THNSL2: variants seen among roughly 807,000 people sequenced by gnomAD.
The protein encoded by THNSL2 is threonine synthase like 2.
A neutral mutation model predicts 40.0 loss-of-function variants in THNSL2; 34 were observed. The observed-to-expected ratio is 0.85, with a 90% CI of 0.65 to 1.13. The LOEUF (loss-of-function observed/expected upper bound fraction) is 1.13, where lower values mean the gene tolerates loss of function less well. THNSL2 is among the 50% of genes most tolerant of loss of function. The pLI, the probability that THNSL2 is intolerant of heterozygous loss-of-function variation, is 0.00. For synonymous variants in THNSL2, 241 were observed against 247.5 expected (o/e 0.97, Z 0.25); for missense variants, 537 against 608.8 (o/e 0.88, Z 1.24).
intron 5 of THNSL2, among the ~76,000 whole-genome samples, chr2:88,180,857 G>T (rs1677467030): frequency 6.6e-6 from 1 of 152,152 alleles, no homozygotes; most frequent in Non-Finnish European, 1.5e-5. Context: ...GCTCTAGGAG[G>T]CTGAGTCGAG....
chr2:88,177,744 T>TA (rs1677090195), intron 4 of THNSL2, among the ~76,000 whole-genome samples: 2 of 152,208 alleles, frequency 1.3e-5, no homozygotes, highest in Non-Finnish European at 2.9e-5. Flanking sequence ...CTCTTTTTTT[T>TA]AAAGCAGTGA....
At chr2:88,173,011 G>A in intron 1 of THNSL2, 128 bp from the exon 2 acceptor site, 1 of 518,852 alleles carries the variant, frequency 1.9e-6, no homozygotes, top group Non-Finnish European at 3.4e-6. Flanking sequence ...GCCATCTCTA[G>A]GTCTGGGACA....
In THNSL2 at chr2:88,175,413, G is replaced by A. The variant is rs1281540173; in HGVS notation, c.571+12G>A. ...ACATGTGTTTGGAGGTGTGTGCTGAGGCAGAGGCTCTAGGGACAGTGCAGC... is the reference window on the plus strand; with the variant it reads ...ACATGTGTTTGGAGGTGTGTGCTGAAGCAGAGGCTCTAGGGACAGTGCAGC... On this transcript the variant is annotated intron_variant, in intron 4 of 8. Coordinates refer to ENST00000674334, the MANE Select transcript of THNSL2 (RefSeq NM_018271.5). 4 of 1,613,954 alleles carry A rather than the reference G, an allele frequency of 2.5e-6. No individual in the cohort carries two copies. The highest frequency in any genetic ancestry group is 2.7e-5 in the African/African-American group (2 of 75,060).
intron 5 of THNSL2, among the ~76,000 whole-genome samples, chr2:88,179,979 G>T (rs1234054809): frequency 6.6e-6 from 1 of 152,238 alleles, no homozygotes; most frequent in Admixed American, 6.5e-5. Context: ...CATCTTAGTG[G>T]TTAGGAAGCT....
intron 5 of THNSL2, among the ~76,000 whole-genome samples, chr2:88,179,791 A>G (rs1677335047): frequency 6.6e-6 from 1 of 152,216 alleles, no homozygotes; most frequent in Admixed American, 6.5e-5. Flanking sequence ...TTTTATAATG[A>G]GGGAACAAAG....
At chr2:88,181,784 AC>A (rs1210915393) in intron 5 of THNSL2, among the ~76,000 whole-genome samples, 1 of 151,842 alleles carries the variant, frequency 6.6e-6, no homozygotes, top group African/African-American at 2.4e-5. Flanking sequence ...TCTTTAGACC[AC>A]CTCCTTCGCC....
At chr2:88,173,405 C>G in intron 2 of THNSL2, 32 bp downstream of exon 2, 1 of 1,507,632 alleles carries the variant, frequency 6.6e-7, no homozygotes, top group East Asian at 2.3e-5. Context: ...TTCACTCTTC[C>G]AGCCCCTGCC....
In THNSL2 at chr2:88,178,806, G is replaced by A. The variant is rs780523063; in HGVS notation, c.595G>A (p.Asp199Asn). 22 of 1,614,020 alleles carry A rather than the reference G, an allele frequency of 1.4e-5. No individual in the cohort carries two copies. Among genetic ancestry groups the A allele is most frequent in the South Asian group, 4.4e-5 (4 of 91,084 alleles). Residue 199 changes from aspartate (D) to asparagine (N), a missense_variant, in exon 5 of 9, where the codon GAT becomes AAT. Coordinates refer to ENST00000674334, the MANE Select transcript of THNSL2 (RefSeq NM_018271.5). ...AGTGGAGGGAAACAGCGATGAGCTC[G>A]ATGAGCCGATCAAGACTGTGTTTGC... ...FGVEGNSDELDEPIKTVFADV... is the reference protein window; with the variant it reads ...FGVEGNSDELNEPIKTVFADV...
At chr2:88,180,030 G>A (rs1462658163) in intron 5 of THNSL2, among the ~76,000 whole-genome samples, 5 of 152,200 alleles carry the variant, frequency 3.3e-5, no homozygotes, top group African/African-American at 7.2e-5. Flanking sequence ...AGAGAACAGC[G>A]GGCTGGCAGG....
At chr2:88,172,951 A>C (rs1193803640) in intron 1 of THNSL2, 188 bp from the exon 2 acceptor site, 4 of 397,180 alleles carry the variant, frequency 1.0e-5, no homozygotes, top group African/African-American at 2.1e-5. Context: ...TGGTGGAATC[A>C]TGATTTACAC....
rs1465316649 is a variant in THNSL2, at chr2:88,174,709, G to A, written c.294G>A (p.Gly98=). The A allele has an allele frequency of 6.2e-7, 1 of 1,614,056 alleles. No individual in the cohort carries two copies. Among genetic ancestry groups the A allele is most frequent in the Non-Finnish European group, 8.5e-7 (1 of 1,180,040 alleles). The change falls in exon 3 of 9, where the codon GGG becomes GGA. Residue 98 remains glycine (G), a synonymous_variant. Coordinates refer to ENST00000674334, the MANE Select transcript of THNSL2 (RefSeq NM_018271.5). ...EVVHLSRLRN[G]LNVLELWHGV... ...TCCATCTGTCCAGGTTGAGGAATGG[G>A]CTGAACGTGTTGGAGCTGTGGCATG...
chr2:88,181,656 A>G (rs1383554525), intron 5 of THNSL2, among the ~76,000 whole-genome samples: 1 of 151,186 alleles, frequency 6.6e-6, no homozygotes, highest in Non-Finnish European at 1.5e-5. Context: ...TGTATGATTC[A>G]GTGGTTTTTA....
chr2:88,174,973 C>A, intron 3 of THNSL2, 140 bp downstream of exon 3: 1 of 1,061,778 alleles, frequency 9.4e-7, no homozygotes, highest in Non-Finnish European at 1.4e-6. Flanking sequence ...TTTCTGGTGC[C>A]ATAGACCCCT....
At chr2:88,173,627 A>AG (rs1481092286) in intron 2 of THNSL2, among the ~76,000 whole-genome samples, 1 of 149,030 alleles carries the variant, frequency 6.7e-6, no homozygotes, top group Non-Finnish European at 1.5e-5. Flanking sequence ...TTTTTCTTTA[A>AG]AAAAAAAAAA....
intron 4 of THNSL2, 114 bp from the exon 5 acceptor site, chr2:88,178,669 C>A (rs929100188): frequency 2.8e-6 from 3 of 1,072,446 alleles, no homozygotes; most frequent in Admixed American, 2.0e-5. Context: ...CTAGGCTGCG[C>A]GAAGGTCCCA....
intron 4 of THNSL2, among the ~76,000 whole-genome samples, chr2:88,177,549 C>G (rs952098471): frequency 6.6e-6 from 1 of 152,124 alleles, no homozygotes; most frequent in Admixed American, 6.5e-5. Context: ...GAATATTTTC[C>G]AGCTTCCGTA....
chr2:88,171,444 A>G (rs1676366476), intron 1 of THNSL2: 1 of 402,918 alleles, frequency 2.5e-6, no homozygotes, highest in Non-Finnish European at 5.0e-6. Flanking sequence ...CACCCAGGGA[A>G]GGGCATTTGA....
In THNSL2 at chr2:88,186,237, C is replaced by T. The variant is rs991315553; in HGVS notation, c.*114C>T. On this transcript the variant is annotated 3_prime_UTR_variant, in exon 9 of 9. Coordinates refer to ENST00000674334, the MANE Select transcript of THNSL2 (RefSeq NM_018271.5). ...GTTAGGAGGTTTCCGGGAGGCTGCT[C>T]AGCTGGATCTGGAGCCAGCTGGCTT... is the stretch of plus-strand genomic sequence containing the variant. The T allele has an allele frequency of 5.6e-6, 6 of 1,071,886 alleles. No homozygotes were observed. The highest frequency in any genetic ancestry group is 2.2e-5 in the Admixed American group (1 of 46,200). 66.4% of individuals were successfully genotyped at this position (1,071,886 alleles called of 1,614,324 possible).
At position 88,185,900 on chromosome 2, in the gene THNSL2, C is replaced by T. The variant is rs1678242773; in HGVS notation, c.1232C>T (p.Thr411Ile). The T allele has an allele frequency of 3.8e-6, 6 of 1,598,296 alleles. No individual in the cohort carries two copies. The highest frequency in any genetic ancestry group is 5.1e-6 in the Non-Finnish European group (6 of 1,173,010). ...GCCACCTGCCCCCATCCCCACAGCACTCCCCGGTGCTGCCTCGCCCCTGCC... is the reference window on the plus strand; with the variant it reads ...GCCACCTGCCCCCATCCCCACAGCATTCCCCGGTGCTGCCTCGCCCCTGCC... ...YQQIDRQQPSTPRCCLAPASA... is the reference protein window; with the variant it reads ...YQQIDRQQPSIPRCCLAPASA... The change falls in exon 9 of 9, where the codon ACT becomes ATT. Residue 411 changes from threonine to isoleucine, a missense_variant and splice_region_variant. Physicochemically the swap from Thr to Ile is moderately conservative, Grantham distance 89. Coordinates refer to ENST00000674334, the MANE Select transcript of THNSL2 (RefSeq NM_018271.5).
Sources: allele counts gnomAD v4.1 joint callset (sites outside exome capture counted in the v4.1 genomes callset), GRCh38; gene constraint gnomAD v4.1.1; transcripts MANE v1.5; gene names NCBI Gene and HGNC (gene_info 2026-07-23, HGNC 2026-07-21).